The following NOP53 variants were observed in gnomAD, a reference collection of about 807,000 sequenced individuals.
NOP53 encodes the protein ribosome biogenesis protein NOP53.
Under a neutral mutation model 61.0 loss-of-function variants are expected in NOP53, and 40 were observed. The observed-to-expected ratio is 0.66, with a 90% confidence interval of 0.51 to 0.85. The LOEUF is 0.85. NOP53 is among the 40% of genes least tolerant of loss of function. The pLI is 0.00. For missense variants in NOP53, 689 were observed against 652.9 expected, an observed-to-expected ratio of 1.06 and a Z score of -0.60; for synonymous variants, 308 against 289.5, an observed-to-expected ratio of 1.06 and a Z score of -0.65.
chr19:47,745,816 G>A, intron 1 of NOP53, 33 bp downstream of exon 1: 1 of 1,438,592 alleles, frequency 7.0e-7, no homozygotes, highest in Non-Finnish European at 9.2e-7. Context: ...GAGGTGGGAC[G>A]GTTCCTGCGC....
rs776453250 is a variant in NOP53 at position 47,752,532 on chromosome 19, C to G, written c.690C>G (p.Thr230=). 12 of 1,606,836 alleles carry G rather than the reference C, an allele frequency of 7.5e-6. No homozygotes were observed. The South Asian group carries it at 1.2e-4, about 16-fold the overall frequency. The change falls in exon 6 of 13, where the codon ACC becomes ACG. Residue 230 remains threonine, a synonymous_variant. Coordinates refer to ENST00000246802, the MANE Select transcript of NOP53 (RefSeq NM_015710.5). ...CACAGCGGCCAGCACGCCTGCACACCAAGCCGTCCCAGGCACCCGCCGTGG... is the reference window on the plus strand; with the variant it reads ...CACAGCGGCCAGCACGCCTGCACACGAAGCCGTCCCAGGCACCCGCCGTGG... ...KGVKRPARLH[T]KPSQAPAVEV... is the part of the protein sequence containing the mutation.
chr19:47,746,222 C>G (rs1488429086), intron 1 of NOP53: 1 of 154,448 alleles, frequency 6.5e-6, no homozygotes, highest in African/African-American at 2.4e-5. Context: ...GAGTCTCGCT[C>G]TATCGCCCAG....
At chr19:47,747,132 A>G (rs1208215377) in intron 2 of NOP53, 101 bp downstream of exon 2, 8 of 912,676 alleles carry the variant, frequency 8.8e-6, no homozygotes, top group Non-Finnish European at 1.0e-5. Flanking sequence ...TGGAAGGCAA[A>G]TATCTGCGGA....
intron 9 of NOP53, 42 bp downstream of exon 9, chr19:47,755,565 G>A (rs1046698834): frequency 1.0e-4 from 146 of 1,457,256 alleles, no homozygotes; most frequent in Non-Finnish European, 1.3e-4. Context: ...CTGGGGAGGG[G>A]GCCGGGTCCC....
Position 47,749,838 on chromosome 19 carries a change from C to T in NOP53, c.290-340C>T, listed in dbSNP as rs191981253. Among the ~76,000 whole-genome samples the T allele has an allele frequency of 4.1e-3, 631 of 152,248 alleles. 1 individual carries two copies. The highest frequency in any genetic ancestry group is 7.4e-3 in the Non-Finnish European group (506 of 68,022). ...TCAAGCGATCCTCCCACCTCAGCCTCCCAGAGTGCTGGGATTACAGGCGTG... is the reference window on the plus strand; with the variant it reads ...TCAAGCGATCCTCCCACCTCAGCCTTCCAGAGTGCTGGGATTACAGGCGTG... On this transcript the variant is annotated intron_variant, in intron 2 of 12. Coordinates refer to ENST00000246802, the MANE Select transcript of NOP53 (RefSeq NM_015710.5).
chr19:47,755,594 G>A, intron 9 of NOP53, 71 bp downstream of exon 9: 1 of 1,429,956 alleles, frequency 7.0e-7, no homozygotes. Flanking sequence ...ACACCTTCCT[G>A]CCTTTGTTCA....
At position 47,756,624 on chromosome 19, in the gene NOP53, G is replaced by A. The variant is rs758397029; in HGVS notation, c.1373+20G>A. The stretch of plus-strand genomic sequence containing the variant: ...AGCCAAGTAAGGGGCGGCCGGGGCT[G>A]CTGTGGGGCGAGGGCATCTGGGATT... On this transcript the variant is annotated intron_variant, in intron 11 of 12. Transcript: ENST00000246802. 6 of 1,613,452 alleles carry A rather than the reference G, an allele frequency of 3.7e-6. No individual in the cohort carries two copies. Among genetic ancestry groups the A allele is most frequent in the Non-Finnish European group, 4.2e-6 (5 of 1,179,478 alleles).
intron 12 of NOP53, 106 bp downstream of exon 12, chr19:47,756,850 A>ACC: frequency 6.6e-7 from 1 of 1,508,368 alleles, no homozygotes; most frequent in Admixed American, 1.7e-5. Context: ...GCTGAGCCAC[A>ACC]CCCCCTTGGC....
At position 47,754,372 on chromosome 19, in the gene NOP53, C is replaced by G; in HGVS notation, c.766-155C>G. The G allele has an allele frequency of 1.5e-6, 1 of 653,802 alleles. No individual in the cohort carries two copies. The highest frequency in any genetic ancestry group is 2.4e-5 in the Admixed American group (1 of 42,476). 40.5% of individuals were successfully genotyped at this position (653,802 alleles called of 1,614,324 possible). Reference sequence around the variant, plus strand: ...GTTTGAGGTGCCCTCTGGCTCTGTGCAGGGTGGGTGTGCTGGTAGACGGGG... The same window carrying G: ...GTTTGAGGTGCCCTCTGGCTCTGTGGAGGGTGGGTGTGCTGGTAGACGGGG... On this transcript the variant is annotated intron_variant, in intron 6 of 12. Coordinates refer to ENST00000246802, the MANE Select transcript of NOP53 (RefSeq NM_015710.5). This position sits in a 1 kb window ranked among gnomAD's most constrained non-coding sequence, Gnocchi z 4.2.
chr19:47,756,427 G>T (rs1209201361), intron 10 of NOP53, 101 bp from the exon 11 acceptor site: 1 of 882,858 alleles, frequency 1.1e-6, no homozygotes, highest in African/African-American at 1.7e-5. Context: ...CTGCCCTGGG[G>T]GGAGACTGCA....
chr19:47,751,693 C>A, intron 5 of NOP53, 103 bp downstream of exon 5: 1 of 899,494 alleles, frequency 1.1e-6, no homozygotes, highest in Non-Finnish European at 1.8e-6. Flanking sequence ...CCTTCCATCC[C>A]AGTGGCCGAG....
At chr19:47,752,919 A>G in intron 6 of NOP53, 1 of 348,090 alleles carries the variant, frequency 2.9e-6, no homozygotes, top group Non-Finnish European at 5.4e-6. Flanking sequence ...TGGGTTTTCC[A>G]GGTGGTGGGA....
At chr19:47,751,716 G>A (rs140478403) in intron 5 of NOP53, 126 bp downstream of exon 5, 3 of 753,662 alleles carry the variant, frequency 4.0e-6, no homozygotes, top group Non-Finnish European at 6.9e-6. Context: ...CTCTGTGCTG[G>A]AGCCAGGTGG....
intron 3 of NOP53, 102 bp from the exon 4 acceptor site, chr19:47,750,806 G>C (rs1967114726): frequency 2.1e-6 from 2 of 936,902 alleles, no homozygotes; most frequent in East Asian, 5.2e-5. Flanking sequence ...AGGGGGTGCT[G>C]AAGCTGCCTT....
intron 2 of NOP53, among the ~76,000 whole-genome samples, chr19:47,749,152 C>G (rs1967096099): frequency 5.3e-5 from 8 of 149,974 alleles, no homozygotes; most frequent in Admixed American, 5.3e-4. Flanking sequence ...GGTTACAAGA[C>G]TCTGTCTCAA....
chr19:47,749,077 C>G (rs924559300), intron 2 of NOP53, among the ~76,000 whole-genome samples: 1 of 151,744 alleles, frequency 6.6e-6, no homozygotes, highest in Non-Finnish European at 1.5e-5. Context: ...AGGATTGTTG[C>G]TTGAACCTGG....
intron 2 of NOP53, among the ~76,000 whole-genome samples, chr19:47,749,353 T>C (rs11671852): frequency 0.55 from 83,166 of 151,908 alleles, 26,086 homozygotes; most frequent in South Asian, 0.72. Context: ...GGTTCCACTT[T>C]AGTAAGGAAA....
intron 3 of NOP53, 146 bp downstream of exon 3, chr19:47,750,432 G>A (rs1311944172): frequency 2.7e-5 from 17 of 622,018 alleles, no homozygotes; most frequent in South Asian, 2.0e-4. Flanking sequence ...TAGAGGGAGG[G>A]AGTCTGGGTG....
In NOP53 at chr19:47,755,368, G is replaced by A; in HGVS notation, c.1074G>A (p.Leu358=). 6.6e-7 allele frequency: 1 copy of A among 1,518,134 alleles called. No individual in the cohort carries two copies. Among genetic ancestry groups the A allele is most frequent in the Non-Finnish European group, 8.8e-7 (1 of 1,139,406 alleles). The allele number at this position is 1,518,134 out of a possible 1,614,324, so 94.0% of individuals were successfully genotyped here. A position where few individuals can be genotyped will look rare whatever the true frequency, so the allele number is the denominator to read the frequency against. The part of the protein sequence containing the change: ...VHRLRVQQAA[L]RAARLRHQEL... ...CACAGCGGGTACAGCAGGCCGCGTT[G>A]CGGGCCGCCCGGCTCCGGCACCAGG... Residue 358 remains leucine (L), a synonymous_variant, in exon 9 of 13, where the codon TTG becomes TTA. Coordinates refer to ENST00000246802, the MANE Select transcript of NOP53 (RefSeq NM_015710.5).
Sources: allele counts gnomAD v4.1 joint callset (sites outside exome capture counted in the v4.1 genomes callset), GRCh38; gene constraint gnomAD v4.1.1; non-coding constraint Gnocchi (gnomAD v3.1); transcripts MANE v1.5; gene names NCBI Gene and HGNC (gene_info 2026-07-23, HGNC 2026-07-21).